The following DYNC2I1 variants were observed in gnomAD, a reference collection of about 807,000 sequenced individuals.
The protein encoded by DYNC2I1 is cytoplasmic dynein 2 intermediate chain 1.
In DYNC2I1, 89 loss-of-function variants were observed where a neutral mutation model predicts 133.4. The ratio of observed to expected loss-of-function variants is 0.67; its 90% CI spans 0.56 to 0.80. DYNC2I1 has a LOEUF of 0.80. Ranked by LOEUF, DYNC2I1 falls within the 30% of genes least tolerant of loss-of-function variation. DYNC2I1 has a pLI of 0.00. For missense variants in DYNC2I1, 1,291 were observed against 1,314.5 expected (o/e 0.98, Z 0.28); for synonymous variants, 504 against 484.3 (o/e 1.04, Z -0.54).
At chr7:158,950,797 G>T (rs13244394), downstream of DYNC2I1, among the ~76,000 whole-genome samples, 2 of 145,240 alleles carry the variant, frequency 1.4e-5, no homozygotes, top group South Asian at 4.4e-4. Context: ...ATGATTCCAG[G>T]TGTGATATAC....
At chr7:158,909,185 G>A (rs1480701701) in intron 11 of DYNC2I1, among the ~76,000 whole-genome samples, 1 of 151,930 alleles carries the variant, frequency 6.6e-6, no homozygotes, top group African/African-American at 2.4e-5. Context: ...ACAGAAATTA[G>A]CCAGGCATGG....
intron 7 of DYNC2I1, among the ~76,000 whole-genome samples, chr7:158,889,383 C>T (rs894843320): frequency 6.6e-6 from 1 of 151,972 alleles, no homozygotes; most frequent in Non-Finnish European, 1.5e-5. Flanking sequence ...TCTGGCCACC[C>T]CTCCTGTTTT....
chr7:158,869,906 T>G lies in DYNC2I1; in HGVS notation c.67T>G (p.Trp23Gly). The change falls in exon 2 of 25, where the codon TGG (tryptophan) becomes GGG (glycine). Residue 23 changes from tryptophan (W) to glycine (G), a missense_variant and splice_region_variant. Transcript: ENST00000407559. Reference protein sequence around the residue: ...WKADDLRKHLWAIQSGGSKEE... With the variant: ...WKADDLRKHLGAIQSGGSKEE... ...AGCAGATGACCTCAGAAAACATCTC[T>G]GGGTAATTATTGTAAAGATTTGGAT... 2 of 1,613,062 alleles carry G rather than the reference T, an allele frequency of 1.2e-6. No individual in the cohort carries two copies. Among genetic ancestry groups the G allele is most frequent in the Non-Finnish European group, 1.7e-6 (2 of 1,179,140 alleles).
chr7:158,852,706 T>A (rs1347263480), upstream of DYNC2I1, among the ~76,000 whole-genome samples: 2 of 152,118 alleles, frequency 1.3e-5, no homozygotes, highest in Non-Finnish European at 2.9e-5. Flanking sequence ...GCCATTGCAT[T>A]CTAGCCTGGG....
intron 14 of DYNC2I1, among the ~76,000 whole-genome samples, chr7:158,916,240 A>T (rs1342654738): frequency 1.2e-5 from 1 of 82,994 alleles, no homozygotes; most frequent in East Asian, 2.5e-4. Context: ...ATTAAGGATG[A>T]TTGTGAAACG....
At chr7:158,957,741 CTCGGCACTCGTGAGG>C (rs1852235696), downstream of DYNC2I1, among the ~76,000 whole-genome samples, 1 of 152,180 alleles carries the variant, frequency 6.6e-6, no homozygotes, top group South Asian at 2.1e-4. Context: ...AGCAAATGCA[CTCGGCACTCGTGAGG>C]TCCACCGCCA....
At chr7:158,953,832 T>G (rs1286785614) in intron 4 of DYNC2I1, among the ~76,000 whole-genome samples, 1 of 151,964 alleles carries the variant, frequency 6.6e-6, no homozygotes, top group African/African-American at 2.4e-5. Flanking sequence ...GGGAAGGTGG[T>G]GAATGGCATA....
intron 7 of DYNC2I1, 75 bp from the exon 8 acceptor site, chr7:158,891,190 G>T (rs12674435): frequency 3.2e-5 from 48 of 1,509,640 alleles, no homozygotes; most frequent in East Asian, 1.8e-4. Flanking sequence ...GTGGTGGGGT[G>T]GGGGGGAGCT....
chr7:158,865,019 G>A (rs953835033), intron 1 of DYNC2I1, among the ~76,000 whole-genome samples: 10 of 152,208 alleles, frequency 6.6e-5, no homozygotes, highest in African/African-American at 1.9e-4. Flanking sequence ...AACAATGAGC[G>A]TCAGGTCCAG....
At chr7:158,892,030 C>T (rs754619850) in intron 8 of DYNC2I1, among the ~76,000 whole-genome samples, 2 of 152,170 alleles carry the variant, frequency 1.3e-5, no homozygotes, top group Non-Finnish European at 2.9e-5. Context: ...ATGGGGGTTT[C>T]TTGTTCCTTC....
In DYNC2I1 at chr7:158,918,728, T is replaced by G; in HGVS notation, c.1792-12T>G. 6.2e-7 allele frequency: 1 copy of G among 1,613,396 alleles called. No homozygotes were observed. The highest frequency in any genetic ancestry group is 1.1e-5 in the South Asian group (1 of 91,050). ...AAGTTTTTATTAAAGACTACTCACT[T>G]ATGTCTGACAGGTGATGGCCGTTTT... On this transcript the variant is annotated splice_polypyrimidine_tract_variant and intron_variant, in intron 14 of 24. Coordinates refer to ENST00000407559, the MANE Select transcript of DYNC2I1 (RefSeq NM_018051.5).
rs898091866 is a variant in DYNC2I1 at position 158,902,783 on chromosome 7, C to T, written c.1357+188C>T. ...GCCCCTGAAGACTTGAGCACGAGCC[C>T]ATCCAGAATTCTCTTACACAGAGAA... On this transcript the variant is annotated intron_variant, in intron 10 of 24. Coordinates refer to ENST00000407559, the MANE Select transcript of DYNC2I1 (RefSeq NM_018051.5). 6 of 592,406 alleles carry T rather than the reference C, an allele frequency of 1.0e-5. No homozygotes were observed. The African/African-American group carries it at 1.1e-4, about 11-fold the overall frequency. 36.7% of individuals were successfully genotyped at this position (592,406 alleles called of 1,614,324 possible). A position where few individuals can be genotyped will look rare whatever the true frequency, so the allele number is the denominator to read the frequency against.
chr7:158,856,850 T>C lies in DYNC2I1; in HGVS notation c.15+100T>C, dbSNP rs960240391. 21 of 1,200,734 alleles carry C rather than the reference T, an allele frequency of 1.7e-5. No homozygotes were observed. In the African/African-American group the frequency reaches 3.1e-4, roughly 18 times the overall value. 74.4% of individuals were successfully genotyped at this position (1,200,734 alleles called of 1,614,324 possible). The stretch of plus-strand genomic sequence containing the variant: ...CCGCCGCCCTCCCTTTGCGCAGCGG[T>C]TCTCTCGGCCGGGCCGGGGCTTCCC... On this transcript the variant is annotated intron_variant, in intron 1 of 24. Transcript: ENST00000407559.
At chr7:158,923,445 T>C (rs768325495) in intron 16 of DYNC2I1, 126 bp from the exon 17 acceptor site, 14 of 1,254,202 alleles carry the variant, frequency 1.1e-5, no homozygotes, top group Admixed American at 1.0e-4. Flanking sequence ...TTCTGCTTAC[T>C]GGGCCCTGCA....
rs770506913 is a variant in DYNC2I1 at position 158,914,248 on chromosome 7, A to G, written c.1718A>G (p.Asp573Gly). The part of the protein sequence containing the change: ...TVVSGGSEQR[D>G]TSDAVVMPKI... ...TTTTTTTTAGGCAGTGAACAAAGAGATACCTCTGATGCTGTAGTTATGCCA... is the reference window on the plus strand; with the variant it reads ...TTTTTTTTAGGCAGTGAACAAAGAGGTACCTCTGATGCTGTAGTTATGCCA... The change falls in exon 14 of 25, where the codon GAT becomes GGT. Residue 573 changes from aspartate (D) to glycine (G), a missense_variant. Coordinates refer to ENST00000407559, the MANE Select transcript of DYNC2I1 (RefSeq NM_018051.5). The G allele has an allele frequency of 4.3e-5, 70 of 1,611,382 alleles. No individual in the cohort carries two copies. Among genetic ancestry groups the G allele is most frequent in the Non-Finnish European group, 5.9e-5 (69 of 1,178,840 alleles).
intron 1 of DYNC2I1, among the ~76,000 whole-genome samples, chr7:158,865,079 G>A (rs1009125563): frequency 2.0e-5 from 3 of 152,200 alleles, no homozygotes; most frequent in South Asian, 2.1e-4. Flanking sequence ...ACACCCACTC[G>A]TAGTGGGGGT....
chr7:158,916,628 A>C (rs1279508413), intron 14 of DYNC2I1, among the ~76,000 whole-genome samples: 1 of 70,878 alleles, frequency 1.4e-5, no homozygotes, highest in Non-Finnish European at 3.3e-5. Flanking sequence ...TGATTGTGAA[A>C]CGTCTACACG....
In DYNC2I1 at chr7:158,945,081, G is replaced by C. The variant is rs1392006513; in HGVS notation, c.3003-500G>C. ...CCTGGGAGTGAGATCGGGGAGACAG[G>C]GTGGCCACAGGTCTCGTGTTGGGCA... On this transcript the variant is annotated intron_variant, in intron 24 of 24. Transcript: ENST00000407559. The surrounding 1 kb of genome is among the most constrained non-coding windows in gnomAD (Gnocchi z 4.1). Among the ~76,000 whole-genome samples, 1 of 152,168 alleles carries C rather than the reference G, an allele frequency of 6.6e-6. No homozygotes were observed. Among genetic ancestry groups the C allele is most frequent in the Admixed American group, 6.5e-5 (1 of 15,284 alleles).
chr7:158,865,152 G>C (rs1284305506), intron 1 of DYNC2I1, among the ~76,000 whole-genome samples: 1 of 152,242 alleles, frequency 6.6e-6, no homozygotes, highest in Admixed American at 6.5e-5. Flanking sequence ...CCTCCCTGAA[G>C]TGAGGTTTTG....
Sources: allele counts gnomAD v4.1 joint callset (sites outside exome capture counted in the v4.1 genomes callset), GRCh38; gene constraint gnomAD v4.1.1; non-coding constraint Gnocchi (gnomAD v3.1); transcripts MANE v1.5; gene names NCBI Gene and HGNC (gene_info 2026-07-23, HGNC 2026-07-21).